Variants in TAS1R3 observed in about 807,000 individuals in gnomAD.
TAS1R3 encodes the protein taste receptor type 1 member 3.
A neutral mutation model predicts 46.1 loss-of-function variants in TAS1R3; 58 were observed. The ratio of observed to expected loss-of-function variants is 1.26; its 90% confidence interval spans 1.02 to 1.57. The LOEUF (loss-of-function observed/expected upper bound fraction) is 1.57, where lower values mean the gene tolerates loss of function less well. Ranked by LOEUF, TAS1R3 falls within the 40% of genes most tolerant of loss-of-function variation. The pLI is 0.00. For missense variants in TAS1R3, 1,422 were observed against 1,185.8 expected, an observed-to-expected ratio of 1.20 and a Z score of -2.93; for synonymous variants, 724 against 544.7, an observed-to-expected ratio of 1.33 and a Z score of -4.58.
rs141275308 is a variant in TAS1R3, at chr1:1,334,153, C to T, written c.2248C>T (p.Leu750=). The part of the protein sequence containing the change: ...LAFLCFLGTF[L]VRSQPGCYNR... ...CTTTCTCTGCTTCCTGGGCACTTTCCTGGTGCGGAGCCAGCCGGGCTGCTA... is the reference window on the plus strand; with the variant it reads ...CTTTCTCTGCTTCCTGGGCACTTTCTTGGTGCGGAGCCAGCCGGGCTGCTA... Residue 750 remains leucine (L), a synonymous_variant, in exon 6 of 6, where the codon CTG becomes TTG. Coordinates refer to ENST00000339381, the MANE Select transcript of TAS1R3 (RefSeq NM_152228.3). The T allele has an allele frequency of 9.5e-6, 15 of 1,584,612 alleles. No individual in the cohort carries two copies. Among genetic ancestry groups the T allele is most frequent in the African/African-American group, 1.3e-5 (1 of 74,374 alleles).
chr1:1,331,794 C>T lies in TAS1R3; in HGVS notation c.348C>T (p.Phe116=). The T allele has an allele frequency of 4.3e-6, 7 of 1,612,918 alleles. No homozygotes were observed. The highest frequency in any genetic ancestry group is 2.2e-5 in the East Asian group (1 of 44,886). Residue 116 remains phenylalanine (F), a synonymous_variant, in exon 2 of 6, where the codon TTC becomes TTT. Transcript: ENST00000339381. ...PVVAMKPSLM[F]LAKAGSRDIA... is the part of the protein sequence containing the mutation. ...TGGCCATGAAGCCCAGCCTCATGTT[C>T]CTGGCCAAGGCAGGCAGCCGCGACA...
rs1258667478 is a variant in TAS1R3, at chr1:1,332,260, G to A, written c.729G>A (p.Val243=). The part of the protein sequence containing the change: ...RGICIAHEGL[V]PLPRADDSRL... Reference sequence around the variant, plus strand: ...TCTGCATCGCGCACGAGGGCCTGGTGCCGCTGCCCCGTGCCGATGACTCGC... The same window carrying A: ...TCTGCATCGCGCACGAGGGCCTGGTACCGCTGCCCCGTGCCGATGACTCGC... The change falls in exon 3 of 6, where the codon GTG becomes GTA. Residue 243 remains valine (V), a synonymous_variant. Transcript: ENST00000339381. The A allele has an allele frequency of 1.9e-6, 3 of 1,598,240 alleles. No homozygotes were observed. The highest frequency in any genetic ancestry group is 2.5e-6 in the Non-Finnish European group (3 of 1,176,922).
At chr1:1,332,847 C>A in intron 3 of TAS1R3, 41 bp downstream of exon 3, 2 of 1,589,950 alleles carry the variant, frequency 1.3e-6, no homozygotes, top group Non-Finnish European at 1.7e-6. Context: ...TCTGCATGTG[C>A]CCAGGCCACC....
At chr1:1,333,162 A>G in intron 4 of TAS1R3, 38 bp downstream of exon 4, 2 of 1,600,240 alleles carry the variant, frequency 1.2e-6, no homozygotes, top group South Asian at 2.2e-5. Context: ...TGCCCGTGGT[A>G]GCCCCCGCGG....
In TAS1R3 at chr1:1,333,589, C is replaced by A; in HGVS notation, c.1684C>A (p.Leu562Met). Residue 562 changes from leucine to methionine, a missense_variant, in exon 6 of 6, where the codon CTG becomes ATG. Physicochemically the swap from Leu to Met is conservative, Grantham distance 15. Transcript: ENST00000339381. ...CTGCTTCCGCCGCAGGTCTCGGTTC[C>A]TGGCATGGGGCGAGCCGGCTGTGCT... ...TRCFRRRSRF[L>M]AWGEPAVLLL... The A allele has an allele frequency of 1.9e-6, 3 of 1,608,546 alleles. No individual in the cohort carries two copies. The highest frequency in any genetic ancestry group is 2.5e-6 in the Non-Finnish European group (3 of 1,179,932).
rs145408540 is a variant in TAS1R3 at position 1,334,312 on chromosome 1, C to T, written c.2407C>T (p.Leu803=). Residue 803 remains leucine, a synonymous_variant, in exon 6 of 6, where the codon CTG becomes TTG. Coordinates refer to ENST00000339381, the MANE Select transcript of TAS1R3 (RefSeq NM_152228.3). ...GATGGGCGCCCTCCTGCTCTGTGTC[C>T]TGGGCATCCTGGCTGCCTTCCACCT... ...VQMGALLLCV[L]GILAAFHLPR... is the part of the protein sequence containing the mutation. The T allele has an allele frequency of 1.1e-3, 1,779 of 1,611,826 alleles. 3 individuals are homozygous for T. Among genetic ancestry groups the T allele is most frequent in the Middle Eastern group, 2.1e-3 (13 of 6,054 alleles).
At position 1,334,116 on chromosome 1, in the gene TAS1R3, T is replaced by C. The variant is rs774847924; in HGVS notation, c.2211T>C (p.Asn737=). The change falls in exon 6 of 6, where the codon AAT becomes AAC. Residue 737 remains asparagine, a synonymous_variant. Coordinates refer to ENST00000339381, the MANE Select transcript of TAS1R3 (RefSeq NM_152228.3). ...GCTTCGGCCTAGCGCACGCCACCAATGCCACGCTGGCCTTTCTCTGCTTCC... is the reference window on the plus strand; with the variant it reads ...GCTTCGGCCTAGCGCACGCCACCAACGCCACGCTGGCCTTTCTCTGCTTCC... ...WVSFGLAHAT[N]ATLAFLCFLG... 6.3e-7 allele frequency: 1 copy of C among 1,581,500 alleles called. No homozygotes were observed. Among genetic ancestry groups the C allele is most frequent in the South Asian group, 1.1e-5 (1 of 88,092 alleles).
Position 1,334,694 on chromosome 1 carries a change from G to A in TAS1R3, c.*230G>A. On this transcript the variant is annotated 3_prime_UTR_variant, in exon 6 of 6. Coordinates refer to ENST00000339381, the MANE Select transcript of TAS1R3 (RefSeq NM_152228.3). ...TCCCTGTCCCTCTGTGCCCAGACCA[G>A]GCCTGCCCAGGTAACCCAGACCCAC... The A allele has an allele frequency of 1.9e-6, 1 of 530,662 alleles. No homozygotes were observed. The allele number at this position is 530,662 out of a possible 1,614,324, so 32.9% of individuals were successfully genotyped here. A position where few individuals can be genotyped will look rare whatever the true frequency, so the allele number is the denominator to read the frequency against.
Position 1,332,924 on chromosome 1 carries a change from C to A in TAS1R3, c.1279C>A (p.Leu427Met). Reference sequence around the variant, plus strand: ...CAGCCCCGTCCCCCGCCCGCAGCTCCTGGAGAACATGTACAACCTGACCTT... The same window carrying A: ...CAGCCCCGTCCCCCGCCCGCAGCTCATGGAGAACATGTACAACCTGACCTT... ...AQDPVKPWQL[L>M]ENMYNLTFHV... is the part of the protein sequence containing the mutation. The change falls in exon 4 of 6, where the codon CTG (leucine) becomes ATG (methionine). Residue 427 changes from leucine (L) to methionine (M), a missense_variant. By Grantham distance (15) the Leu-to-Met change is conservative. Transcript: ENST00000339381. 1 of 1,606,280 alleles carries A rather than the reference C, an allele frequency of 6.2e-7. No individual in the cohort carries two copies. The highest frequency in any genetic ancestry group is 8.5e-7 in the Non-Finnish European group (1 of 1,175,086).
rs769501178 is a variant in TAS1R3 at position 1,332,143 on chromosome 1, C to T, written c.612C>T (p.Phe204=). Residue 204 remains phenylalanine (F), a synonymous_variant, in exon 3 of 6, where the codon TTC becomes TTT. Coordinates refer to ENST00000339381, the MANE Select transcript of TAS1R3 (RefSeq NM_152228.3). ...LTAAAELLQE[F]GWNWVAALGS... ...CCGCCGCGGAGCTGCTGCAGGAGTT[C>T]GGCTGGAACTGGGTGGCCGCCCTGG... 45 of 1,598,926 alleles carry T rather than the reference C, an allele frequency of 2.8e-5. No homozygotes were observed. Among genetic ancestry groups the T allele is most frequent in the Middle Eastern group, 1.7e-4 (1 of 6,060 alleles).
chr1:1,334,327 G>A lies in TAS1R3; in HGVS notation c.2422G>A (p.Ala808Thr). ...LLLCVLGILA[A>T]FHLPRCYLLM... ...GCTCTGTGTCCTGGGCATCCTGGCT[G>A]CCTTCCACCTGCCCAGGTGTTACCT... is the stretch of plus-strand genomic sequence containing the variant. Residue 808 changes from alanine to threonine, a missense_variant, in exon 6 of 6, where the codon GCC becomes ACC. By Grantham distance (58) the Ala-to-Thr change is moderately conservative. Coordinates refer to ENST00000339381, the MANE Select transcript of TAS1R3 (RefSeq NM_152228.3). 1.9e-6 allele frequency: 3 copies of A among 1,611,794 alleles called. No homozygotes were observed. Among genetic ancestry groups the A allele is most frequent in the South Asian group, 1.1e-5 (1 of 90,996 alleles).
chr1:1,332,899 C>CA (rs1557656992), intron 3 of TAS1R3, 22 bp from the exon 4 acceptor site: 3 of 1,594,188 alleles, frequency 1.9e-6, no homozygotes, highest in Middle Eastern at 1.7e-4. Flanking sequence ...GCTGGCGGCT[C>CA]AGCCCCGTCC....
Position 1,334,907 on chromosome 1 carries a change from G to T in TAS1R3, c.*443G>T, listed in dbSNP as rs1421207909. Reference sequence around the variant, plus strand: ...GCACCACAGCAGTGGGAGGCCAGGTGGGGGCACACAGGCATATGCCCAGGG... The same window carrying T: ...GCACCACAGCAGTGGGAGGCCAGGTTGGGGCACACAGGCATATGCCCAGGG... On this transcript the variant is annotated 3_prime_UTR_variant, in exon 6 of 6. Coordinates refer to ENST00000339381, the MANE Select transcript of TAS1R3 (RefSeq NM_152228.3). 2.4e-5 allele frequency: 4 copies of T among 165,246 alleles called. No individual in the cohort carries two copies. The South Asian group carries it at 5.2e-4, about 22-fold the overall frequency. The allele number at this position is 165,246 out of a possible 1,614,324, so 10.2% of individuals were successfully genotyped here.
At position 1,332,243 on chromosome 1, in the gene TAS1R3, G is replaced by C; in HGVS notation, c.712G>C (p.Ala238Pro). The change falls in exon 3 of 6, where the codon GCG becomes CCG. Residue 238 changes from alanine to proline, a missense_variant. Transcript: ENST00000339381. ...ALAAARGICI[A>P]HEGLVPLPRA... ...GGCCGCGGCACGCGGCATCTGCATC[G>C]CGCACGAGGGCCTGGTGCCGCTGCC... is the stretch of plus-strand genomic sequence containing the variant. The C allele has an allele frequency of 4.4e-6, 7 of 1,595,152 alleles. No individual in the cohort carries two copies. Among genetic ancestry groups the C allele is most frequent in the Non-Finnish European group, 6.0e-6 (7 of 1,176,230 alleles).
At position 1,333,007 on chromosome 1, in the gene TAS1R3, C is replaced by T. The variant is rs142857537; in HGVS notation, c.1362C>T (p.Tyr454=). ...GCAGCGGAAACGTGGACATGGAGTA[C>T]GACCTGAAGCTGTGGGTGTGGCAGG... The part of the protein sequence containing the change: ...FDSSGNVDME[Y]DLKLWVWQGS... The change falls in exon 4 of 6, where the codon TAC becomes TAT. Residue 454 remains tyrosine (Y), a synonymous_variant. Coordinates refer to ENST00000339381, the MANE Select transcript of TAS1R3 (RefSeq NM_152228.3). 1,873 of 1,612,780 alleles carry T rather than the reference C, an allele frequency of 1.2e-3. 3 individuals are homozygous for T. The highest frequency in any genetic ancestry group is 1.2e-3 in the Non-Finnish European group (1,431 of 1,179,918).
At position 1,332,046 on chromosome 1, in the gene TAS1R3, A is replaced by T. The variant is rs1437718119; in HGVS notation, c.515A>T (p.Glu172Val). 5 of 1,582,944 alleles carry T rather than the reference A, an allele frequency of 3.2e-6. No homozygotes were observed. Among genetic ancestry groups the T allele is most frequent in the Non-Finnish European group, 4.3e-6 (5 of 1,167,962 alleles). Residue 172 changes from glutamate to valine, a missense_variant, in exon 3 of 6, where the codon GAG (glutamate) becomes GTG (valine). By Grantham distance (121) the Glu-to-Val change is moderately radical. Transcript: ENST00000339381. ...CAGGTCAGCTACGGTGCTAGCATGG[A>T]GCTGCTGAGCGCCCGGGAGACCTTC... ...MPQVSYGASM[E>V]LLSARETFPS...
chr1:1,334,861 C>A lies in TAS1R3; in HGVS notation c.*397C>A, dbSNP rs560800759. ...CGACCTGACCATGTCCCACCAGGGC[C>A]CCCATCCTGCACCCTGCCAGGCACC... On this transcript the variant is annotated 3_prime_UTR_variant, in exon 6 of 6. Transcript: ENST00000339381. 4.3e-5 allele frequency: 8 copies of A among 186,144 alleles called. No individual in the cohort carries two copies. The highest frequency in any genetic ancestry group is 1.6e-4 in the African/African-American group (7 of 42,458). The allele number at this position is 186,144 out of a possible 1,614,324, so 11.5% of individuals were successfully genotyped here. A position where few individuals can be genotyped will look rare whatever the true frequency, so the allele number is the denominator to read the frequency against.
rs1485489433 is a variant in TAS1R3, at chr1:1,331,847, A to T, written c.401A>T (p.Tyr134Phe). The T allele has an allele frequency of 6.2e-7, 1 of 1,612,878 alleles. No individual in the cohort carries two copies. The highest frequency in any genetic ancestry group is 1.1e-5 in the South Asian group (1 of 91,084). The change falls in exon 2 of 6, where the codon TAC becomes TTC. Residue 134 changes from tyrosine (Y) to phenylalanine (F), a missense_variant. Coordinates refer to ENST00000339381, the MANE Select transcript of TAS1R3 (RefSeq NM_152228.3). The part of the protein sequence containing the change: ...DIAAYCNYTQ[Y>F]QPRVLAVIGP... ...GCCGCCTACTGCAACTACACGCAGT[A>T]CCAGCCCCGTGTGCTGGCTGTCATC...
rs558401268 is a variant in TAS1R3, at chr1:1,335,032, C to T, written c.*568C>T. ...CTGTCACCAGTACCAGGGACAGAGC[C>T]CAGGTGGGGTGGGGGCGGGGTCCAG... On this transcript the variant is annotated 3_prime_UTR_variant, in exon 6 of 6. Coordinates refer to ENST00000339381, the MANE Select transcript of TAS1R3 (RefSeq NM_152228.3). 518 of 153,134 alleles carry T rather than the reference C, an allele frequency of 3.4e-3. 1 individual carries two copies. Among genetic ancestry groups the T allele is most frequent in the Non-Finnish European group, 5.2e-3 (359 of 68,678 alleles). 9.5% of individuals were successfully genotyped at this position (153,134 alleles called of 1,614,324 possible).
Sources: allele counts gnomAD v4.1 joint callset, GRCh38; gene constraint gnomAD v4.1.1; transcripts MANE v1.5; gene names NCBI Gene and HGNC (gene_info 2026-07-23, HGNC 2026-07-21).